SLC31A2: variants seen among roughly 807,000 people sequenced by gnomAD.
SLC31A2 encodes the protein solute carrier family 31 member 2, also known as protein SLC31A2.
Under a neutral mutation model 14.4 loss-of-function variants are expected in SLC31A2, and 16 were observed. That is an observed-to-expected ratio of 1.11 (90% confidence interval 0.75 to 1.69). The LOEUF (loss-of-function observed/expected upper bound fraction) is 1.69, where lower values mean the gene tolerates loss of function less well. Among genes scored for constraint, SLC31A2 ranks in the 40% most tolerant of loss-of-function variants. SLC31A2 has a pLI of 0.00. For missense variants in SLC31A2, 140 were observed against 173.9 expected, an observed-to-expected ratio of 0.81 and a Z score of 1.10; for synonymous variants, 56 against 68.7, an observed-to-expected ratio of 0.82 and a Z score of 0.91.
chr9:113,156,097 C>T (rs1360375412), intron 1 of SLC31A2: 1 of 518,806 alleles, frequency 1.9e-6, no homozygotes. Context: ...AGCTTCCTGA[C>T]AAAATGGCAG....
rs199568431 is a variant in SLC31A2, at chr9:113,157,729, G to A, written c.9G>A (p.Met3Ile). 9.3e-6 allele frequency: 15 copies of A among 1,611,452 alleles called. No homozygotes were observed. The highest frequency in any genetic ancestry group is 1.3e-5 in the Non-Finnish European group (15 of 1,178,620). The part of the protein sequence containing the change: MA[M>I]HFIFSDTAVL... ...ATGCAGATTCCTTTCTCTTTCAGAT[G>A]CATTTCATCTTCTCAGATACAGCGG... The change falls in exon 2 of 4, where the codon ATG becomes ATA. Residue 3 changes from methionine to isoleucine, a missense_variant and splice_region_variant. Transcript: ENST00000259392.
At chr9:113,157,659 G>T in intron 1 of SLC31A2, 68 bp from the exon 2 acceptor site, 1 of 1,301,356 alleles carries the variant, frequency 7.7e-7, no homozygotes, top group Non-Finnish European at 1.1e-6. Flanking sequence ...AGGAGGTGCT[G>T]GAGAGCATTA....
chr9:113,162,885 T>C lies in SLC31A2; in HGVS notation c.400T>C (p.Tyr134His), dbSNP rs777566073. The C allele has an allele frequency of 3.1e-6, 5 of 1,612,468 alleles. No homozygotes were observed. Among genetic ancestry groups the C allele is most frequent in the Non-Finnish European group, 3.4e-6 (4 of 1,179,554 alleles). The change falls in exon 4 of 4, where the codon TAC (tyrosine) becomes CAC (histidine). Residue 134 changes from tyrosine to histidine, a missense_variant. Physicochemically the swap from Tyr to His is moderately conservative, Grantham distance 83. Transcript: ENST00000259392. ...GGTCTTGGGCTCTGCTGTGGGCTAC[T>C]ACCTAGCTTACCCACTTCTCAGCAC... is the stretch of plus-strand genomic sequence containing the variant. ...GVVLGSAVGY[Y>H]LAYPLLSTA
chr9:113,160,358 TAA>T (rs56137331), intron 2 of SLC31A2, among the ~76,000 whole-genome samples: 51 of 151,860 alleles, frequency 3.4e-4, no homozygotes, highest in African/African-American at 1.2e-3. Flanking sequence ...CCTGTCCTTT[TAA>T]AAAAAATTAT....
chr9:113,152,013 C>T (rs1022025334), intron 1 of SLC31A2: 5 of 152,188 alleles, frequency 3.3e-5, no homozygotes, highest in African/African-American at 1.2e-4. Flanking sequence ...GATCAGCCGT[C>T]CTTTAAAAAG....
chr9:113,162,870 T>C lies in SLC31A2; in HGVS notation c.385T>C (p.Ser129Pro), dbSNP rs1198716492. 9 of 1,613,092 alleles carry C rather than the reference T, an allele frequency of 5.6e-6. No homozygotes were observed. Among genetic ancestry groups the C allele is most frequent in the Non-Finnish European group, 7.6e-6 (9 of 1,179,686 alleles). Residue 129 changes from serine to proline, a missense_variant, in exon 4 of 4, where the codon TCT becomes CCT. Transcript: ENST00000259392. Reference protein sequence around the residue: ...TWIFLGVVLGSAVGYYLAYPL... With the variant: ...TWIFLGVVLGPAVGYYLAYPL... ...GATTTTCCTTGGTGTGGTCTTGGGC[T>C]CTGCTGTGGGCTACTACCTAGCTTA... is the stretch of plus-strand genomic sequence containing the variant.
chr9:113,151,526 C>G lies in SLC31A2; in HGVS notation c.6+446C>G. ...CGCGCGCACACCGAGCGCACATCCC[C>G]GGCCCTGCTCTTGTCAAGTTTGTAG... is the stretch of plus-strand genomic sequence containing the variant. On this transcript the variant is annotated intron_variant, in intron 1 of 3. Coordinates refer to ENST00000259392, the MANE Select transcript of SLC31A2 (RefSeq NM_001860.3). This position sits in a 1 kb window ranked among gnomAD's most constrained non-coding sequence, Gnocchi z 4.2. 1 of 169,740 alleles carries G rather than the reference C, an allele frequency of 5.9e-6. No homozygotes were observed. The highest frequency in any genetic ancestry group is 1.2e-5 in the Non-Finnish European group (1 of 80,042). 10.5% of individuals were successfully genotyped at this position (169,740 alleles called of 1,614,324 possible).
chr9:113,156,679 A>G (rs1829937743), intron 1 of SLC31A2, among the ~76,000 whole-genome samples: 1 of 152,230 alleles, frequency 6.6e-6, no homozygotes, highest in Admixed American at 6.5e-5. Context: ...CCTGGGGACC[A>G]GAGGGGGCCT....
In SLC31A2 at chr9:113,163,770, C is replaced by T. The variant is rs1188917950; in HGVS notation, c.*853C>T. 1 of 152,604 alleles carries T rather than the reference C, an allele frequency of 6.6e-6. No homozygotes were observed. Among genetic ancestry groups the T allele is most frequent in the Non-Finnish European group, 1.5e-5 (1 of 68,054 alleles). The allele number at this position is 152,604 out of a possible 1,614,324, so 9.5% of individuals were successfully genotyped here. On this transcript the variant is annotated 3_prime_UTR_variant, in exon 4 of 4. Coordinates refer to ENST00000259392, the MANE Select transcript of SLC31A2 (RefSeq NM_001860.3). ...AGCTCTTCGTGGCCTCAATGCCCTC[C>T]TTTATCCTCATCTTTCTTCTATGCA...
chr9:113,163,583 C>CTAT lies in SLC31A2; in HGVS notation c.*668_*670dup, dbSNP rs1564141230. ...GATGGATGGCAGAAACTGCTGAGAC[C>CTAT]TATTTCCCTTTCTTGGGGAGAGAAT... On this transcript the variant is annotated 3_prime_UTR_variant, in exon 4 of 4. Coordinates refer to ENST00000259392, the MANE Select transcript of SLC31A2 (RefSeq NM_001860.3). The CTAT allele has an allele frequency of 2.0e-5, 3 of 152,518 alleles. No homozygotes were observed. The allele number at this position is 152,518 out of a possible 1,614,324, so 9.4% of individuals were successfully genotyped here.
At chr9:113,156,340 G>A (rs1829934053) in intron 1 of SLC31A2, among the ~76,000 whole-genome samples, 1 of 152,062 alleles carries the variant, frequency 6.6e-6, no homozygotes. Context: ...GGTGGAGAGG[G>A]ACTCAAGTTG....
intron 1 of SLC31A2, among the ~76,000 whole-genome samples, chr9:113,154,926 C>T (rs959335334): frequency 7.9e-5 from 12 of 152,334 alleles, no homozygotes; most frequent in Admixed American, 2.0e-4. Flanking sequence ...GCTGAACATC[C>T]TTCGGGGGCT....
intron 1 of SLC31A2, among the ~76,000 whole-genome samples, chr9:113,153,633 CACAT>C (rs1414440278): frequency 6.6e-6 from 1 of 152,174 alleles, no homozygotes; most frequent in Non-Finnish European, 1.5e-5. Context: ...CAGGGAGTGA[CACAT>C]AATAAATGGA....
At chr9:113,162,001 A>G (rs753536017) in intron 3 of SLC31A2, 1 of 456,258 alleles carries the variant, frequency 2.2e-6, no homozygotes. Context: ...CCTCCCCCAA[A>G]TCTCACCAGT....
At chr9:113,162,074 C>G in intron 3 of SLC31A2, 1 of 351,648 alleles carries the variant, frequency 2.8e-6, no homozygotes, top group Non-Finnish European at 5.4e-6. Flanking sequence ...AGCAATGTAT[C>G]CCACTTGGTG....
intron 3 of SLC31A2, 150 bp downstream of exon 3, chr9:113,161,848 G>A (rs1351221040): frequency 2.5e-6 from 2 of 812,390 alleles, no homozygotes; most frequent in Admixed American, 2.0e-5. Context: ...ACATAGCCAA[G>A]TGAACTAGAG....
intron 1 of SLC31A2, among the ~76,000 whole-genome samples, chr9:113,155,612 A>G (rs557583566): frequency 1.3e-5 from 2 of 152,204 alleles, no homozygotes; most frequent in East Asian, 1.9e-4. Context: ...AGTTCTGGGT[A>G]CAGGCTTCTG....
At chr9:113,160,860 A>C (rs1830002016) in intron 2 of SLC31A2, 1 of 152,222 alleles carries the variant, frequency 6.6e-6, no homozygotes, top group African/African-American at 2.4e-5. Flanking sequence ...TGTGCCAGGA[A>C]ACCAGGGCAG....
In SLC31A2 at chr9:113,161,567, G is replaced by A; in HGVS notation, c.132G>A (p.Lys44=). The A allele has an allele frequency of 1.2e-6, 2 of 1,614,036 alleles. No homozygotes were observed. Among genetic ancestry groups the A allele is most frequent in the Non-Finnish European group, 1.7e-6 (2 of 1,179,900 alleles). ...TGGCTGTACTGTATGAAGGCATCAAGGTTGGCAAAGCCAAGCTGCTCAACC... is the reference window on the plus strand; with the variant it reads ...TGGCTGTACTGTATGAAGGCATCAAAGTTGGCAAAGCCAAGCTGCTCAACC... The part of the protein sequence containing the change: ...LLLAVLYEGI[K]VGKAKLLNQV... The change falls in exon 3 of 4, where the codon AAG becomes AAA. Residue 44 remains lysine (K), a synonymous_variant. Coordinates refer to ENST00000259392, the MANE Select transcript of SLC31A2 (RefSeq NM_001860.3).
Sources: gnomAD v4.1 joint callset for allele counts (sites outside exome capture counted in the v4.1 genomes callset) on GRCh38, gnomAD v4.1.1 for gene constraint, Gnocchi (gnomAD v3.1) non-coding constraint, MANE v1.5 for transcripts, NCBI Gene and HGNC (gene_info 2026-07-23, HGNC 2026-07-21) for gene names.